RSBN1L: variants seen among roughly 807,000 people sequenced by gnomAD.
RSBN1L encodes lysine-specific demethylase RSBN1L.
In RSBN1L, 30 loss-of-function variants were observed where a neutral mutation model predicts 67.7. That is an observed-to-expected ratio of 0.44 (90% CI 0.33 to 0.60). RSBN1L has a LOEUF of 0.60. Among genes scored for constraint, RSBN1L ranks in the 20% least tolerant of loss-of-function variants. RSBN1L has a pLI of 0.02. For synonymous variants in RSBN1L, 433 were observed against 387.0 expected, an observed-to-expected ratio of 1.12 and a Z score of -1.39; for missense variants, 992 against 1,031.7, an observed-to-expected ratio of 0.96 and a Z score of 0.53.
intron 1 of RSBN1L, among the ~76,000 whole-genome samples, chr7:77,704,306 T>TA (rs1207827769): frequency 2.0e-5 from 3 of 152,240 alleles, no homozygotes; most frequent in African/African-American, 7.2e-5. Context: ...TCAAATGAAT[T>TA]AAACTTTTCA....
chr7:77,716,016 C>T (rs1013786720), intron 1 of RSBN1L, among the ~76,000 whole-genome samples: 1 of 152,122 alleles, frequency 6.6e-6, no homozygotes, highest in African/African-American at 2.4e-5. Flanking sequence ...ACATGTTTTG[C>T]AAATGTTTTC....
At chr7:77,726,768 C>A (rs1435181283) in intron 1 of RSBN1L, among the ~76,000 whole-genome samples, 1 of 144,100 alleles carries the variant, frequency 6.9e-6, no homozygotes, top group Non-Finnish European at 1.5e-5. Context: ...TGCCACCACA[C>A]CCAGCTAATT....
intron 2 of RSBN1L, among the ~76,000 whole-genome samples, chr7:77,739,428 G>A (rs903515037): frequency 5.3e-5 from 8 of 151,836 alleles, no homozygotes; most frequent in African/African-American, 1.9e-4. Flanking sequence ...ATTGTGTCAG[G>A]TAGGCTGGGC....
At chr7:77,766,995 A>G (rs1791774380) in intron 4 of RSBN1L, among the ~76,000 whole-genome samples, 2 of 151,292 alleles carry the variant, frequency 1.3e-5, no homozygotes, top group South Asian at 4.2e-4. Flanking sequence ...AACTAAATGC[A>G]TTATTTCTCC....
chr7:77,697,291 T>C, intron 1 of RSBN1L: 2 of 377,282 alleles, frequency 5.3e-6, no homozygotes, highest in Non-Finnish European at 4.6e-6. Context: ...GTATCGTTTC[T>C]TCCTCCCAGT....
chr7:77,745,971 G>A (rs1382797958), intron 2 of RSBN1L, among the ~76,000 whole-genome samples: 4 of 152,154 alleles, frequency 2.6e-5, no homozygotes, highest in Non-Finnish European at 5.9e-5. Flanking sequence ...GACAGGAAGT[G>A]GAGCTCAGGC....
chr7:77,720,540 CAA>C (rs1791101317), intron 1 of RSBN1L, among the ~76,000 whole-genome samples: 1 of 151,902 alleles, frequency 6.6e-6, no homozygotes, highest in African/African-American at 2.4e-5. Flanking sequence ...GCCTGGGCAA[CAA>C]GAGCGAAACT....
intron 6 of RSBN1L, among the ~76,000 whole-genome samples, chr7:77,774,433 CA>C (rs376882784): frequency 0.02 from 2,996 of 152,086 alleles, 81 homozygotes; most frequent in African/African-American, 0.068. Flanking sequence ...ATTAAAAATA[CA>C]AAAATTAGCT....
chr7:77,725,768 T>A (rs1218296453), intron 1 of RSBN1L, among the ~76,000 whole-genome samples: 2 of 152,060 alleles, frequency 1.3e-5, no homozygotes, highest in Non-Finnish European at 2.9e-5. Flanking sequence ...TTTTGTATTT[T>A]TAGTAGAGAC....
chr7:77,768,780 A>G lies in RSBN1L; in HGVS notation c.1602A>G (p.Pro534=). ...AAATGATCCCTGTGGCTGATATGCC[A>G]AAGTCACCTTTCAAAAGGAAAAGGT... is the stretch of plus-strand genomic sequence containing the variant. ...GEQMIPVADM[P]KSPFKRKRTT... Residue 534 remains proline (P), a synonymous_variant, in exon 5 of 8, where the codon CCA becomes CCG. Coordinates refer to ENST00000334955, the MANE Select transcript of RSBN1L (RefSeq NM_198467.3). The G allele has an allele frequency of 1.9e-6, 3 of 1,614,102 alleles. No individual in the cohort carries two copies. The highest frequency in any genetic ancestry group is 2.5e-6 in the Non-Finnish European group (3 of 1,179,974).
intron 3 of RSBN1L, among the ~76,000 whole-genome samples, chr7:77,757,626 G>T (rs1265853859): frequency 9.2e-5 from 14 of 152,204 alleles, no homozygotes; most frequent in Non-Finnish European, 2.1e-4. Context: ...CAGTTCTTGT[G>T]GTCTCTGCTA....
chr7:77,756,168 G>A (rs1219191016), intron 3 of RSBN1L, among the ~76,000 whole-genome samples: 3 of 151,816 alleles, frequency 2.0e-5, no homozygotes, highest in Non-Finnish European at 4.4e-5. Flanking sequence ...GTCTAGCTCT[G>A]TCATCCAGGC....
intron 1 of RSBN1L, among the ~76,000 whole-genome samples, chr7:77,733,091 C>T (rs12672657): frequency 0.1 from 15,438 of 151,840 alleles, 1,107 homozygotes; most frequent in African/African-American, 0.19. Flanking sequence ...CCCAGGAGTT[C>T]GAGACCAACC....
At chr7:77,763,591 A>G (rs768944153) in intron 3 of RSBN1L, among the ~76,000 whole-genome samples, 2 of 152,174 alleles carry the variant, frequency 1.3e-5, no homozygotes, top group Non-Finnish European at 2.9e-5. Context: ...TTAGGCTTTA[A>G]CTGTTAGCTC....
In RSBN1L at chr7:77,779,461, A is replaced by AT. The variant is rs1562812971; in HGVS notation, c.*293_*294insT. 3 of 138,274 alleles carry AT rather than the reference A, an allele frequency of 2.2e-5. No homozygotes were observed. The highest frequency in any genetic ancestry group is 4.8e-5 in the Non-Finnish European group (3 of 61,856). The allele number at this position is 138,274 out of a possible 1,614,324, so 8.6% of individuals were successfully genotyped here. The stretch of plus-strand genomic sequence containing the variant: ...ACATTAACATATATATATATATATA[A>AT]ATATATATATATATTTTGTAATATG... On this transcript the variant is annotated 3_prime_UTR_variant, in exon 8 of 8. Coordinates refer to ENST00000334955, the MANE Select transcript of RSBN1L (RefSeq NM_198467.3).
intron 4 of RSBN1L, chr7:77,768,322 A>G (rs1291628953): frequency 1.2e-5 from 2 of 171,692 alleles, no homozygotes; most frequent in South Asian, 1.9e-4. Context: ...TCATTTTTAT[A>G]GATTCTTATG....
intron 3 of RSBN1L, among the ~76,000 whole-genome samples, chr7:77,753,794 AAAT>A (rs1378939029): frequency 1.3e-5 from 2 of 152,230 alleles, no homozygotes; most frequent in Non-Finnish European, 2.9e-5. Flanking sequence ...AGTATTGGAA[AAAT>A]AATCTGTAGT....
intron 1 of RSBN1L, among the ~76,000 whole-genome samples, chr7:77,725,582 A>AT (rs774127763): frequency 2.6e-5 from 4 of 151,366 alleles, no homozygotes; most frequent in Non-Finnish European, 4.4e-5. Flanking sequence ...GTGCATTTAC[A>AT]TATGTACATA....
chr7:77,748,471 T>A (rs1791512240), intron 2 of RSBN1L, among the ~76,000 whole-genome samples: 1 of 152,184 alleles, frequency 6.6e-6, no homozygotes, highest in South Asian at 2.1e-4. Flanking sequence ...ACACTAGGCA[T>A]AGATGATTCT....
Sources: allele counts gnomAD v4.1 joint callset (sites outside exome capture counted in the v4.1 genomes callset), GRCh38; gene constraint gnomAD v4.1.1; transcripts MANE v1.5; gene names NCBI Gene and HGNC (gene_info 2026-07-23, HGNC 2026-07-21).